The following KHDRBS2 variants were observed in gnomAD, a reference collection of about 807,000 sequenced individuals.
KHDRBS2 encodes the protein KH RNA binding domain containing, signal transduction associated 2.
KHDRBS2 carries 26 observed loss-of-function variants against 44.3 expected under a neutral mutation model. The observed-to-expected ratio is 0.59, with a 90% CI of 0.43 to 0.81. The LOEUF is 0.81. Ranked by LOEUF, KHDRBS2 falls within the 40% of genes least tolerant of loss-of-function variation. The pLI, the probability that KHDRBS2 is intolerant of heterozygous loss-of-function variation, is 0.00. For synonymous variants in KHDRBS2, 194 were observed against 151.1 expected (o/e 1.28, Z -2.08); for missense variants, 476 against 433.1 (o/e 1.10, Z -0.88).
the KHDRBS2 span, among the ~76,000 whole-genome samples, chr6:61,599,079 GC>G: frequency 6.6e-6 from 1 of 151,784 alleles, no homozygotes; most frequent in Non-Finnish European, 1.5e-5. Flanking sequence ...CATTACAGGT[GC>G]CTGCCACCAC....
chr6:61,802,076 A>G, intron 6 of KHDRBS2, among the ~76,000 whole-genome samples: 1 of 152,116 alleles, frequency 6.6e-6, no homozygotes, highest in East Asian at 1.9e-4. Context: ...GTAGGATTTG[A>G]GAGCGACCCC....
At chr6:61,886,959 C>T (rs1248087198) in intron 6 of KHDRBS2, among the ~76,000 whole-genome samples, 1 of 151,960 alleles carries the variant, frequency 6.6e-6, no homozygotes, top group Non-Finnish European at 1.5e-5. Flanking sequence ...CTAAGTATTG[C>T]TGAGGGGACT....
intron 2 of KHDRBS2, among the ~76,000 whole-genome samples, chr6:62,143,432 CT>C (rs1049451417): frequency 6.6e-6 from 1 of 151,988 alleles, no homozygotes; most frequent in Non-Finnish European, 1.5e-5. Flanking sequence ...AGACAGCAAT[CT>C]ATTTCATTCA....
At chr6:62,053,797 T>C (rs1789636222) in intron 2 of KHDRBS2, among the ~76,000 whole-genome samples, 1 of 151,900 alleles carries the variant, frequency 6.6e-6, no homozygotes, top group Non-Finnish European at 1.5e-5. Flanking sequence ...AAAATGCCAT[T>C]TATATAATTA....
intron 2 of KHDRBS2, among the ~76,000 whole-genome samples, chr6:62,078,091 T>A (rs775693632): frequency 6.6e-6 from 1 of 152,076 alleles, no homozygotes; most frequent in Non-Finnish European, 1.5e-5. Flanking sequence ...TAAGAGTATC[T>A]GCATAACACC....
At chr6:61,800,165 T>G (rs532310640) in intron 6 of KHDRBS2, among the ~76,000 whole-genome samples, 5 of 152,146 alleles carry the variant, frequency 3.3e-5, no homozygotes, top group African/African-American at 4.8e-5. Context: ...CTAAGAATCA[T>G]AGTTCTTGAT....
intron 2 of KHDRBS2, among the ~76,000 whole-genome samples, chr6:62,158,527 A>C (rs1816945683): frequency 6.6e-6 from 1 of 152,170 alleles, no homozygotes; most frequent in Admixed American, 6.5e-5. Flanking sequence ...ATATTACATT[A>C]TCTTTCCACA....
intron 3 of KHDRBS2, among the ~76,000 whole-genome samples, chr6:62,028,297 T>C (rs573821239): frequency 1.4e-4 from 21 of 152,140 alleles, no homozygotes; most frequent in Non-Finnish European, 2.9e-4. Flanking sequence ...TAGAAAACTA[T>C]AGATTTCATA....
the KHDRBS2 span, chr6:61,574,352 C>CT: frequency 2.0e-6 from 3 of 1,527,370 alleles, no homozygotes; most frequent in African/African-American, 2.7e-5. Flanking sequence ...TTTCAGCTGT[C>CT]TCTTACTTTC....
At chr6:61,565,715 A>G in the KHDRBS2 span, among the ~76,000 whole-genome samples, 1 of 152,140 alleles carries the variant, frequency 6.6e-6, no homozygotes, top group East Asian at 1.9e-4. Context: ...GTGGGAATGT[A>G]AATGTGGGAG....
At chr6:62,139,255 A>T (rs1273893230) in intron 2 of KHDRBS2, among the ~76,000 whole-genome samples, 1 of 152,028 alleles carries the variant, frequency 6.6e-6, no homozygotes, top group Non-Finnish European at 1.5e-5. Flanking sequence ...TAAAAATTTT[A>T]AAAAATATTC....
intron 1 of KHDRBS2, among the ~76,000 whole-genome samples, chr6:62,224,063 A>T (rs930056225): frequency 2.0e-5 from 3 of 152,102 alleles, no homozygotes; most frequent in South Asian, 2.1e-4. Flanking sequence ...GTCTATTTTC[A>T]TGCTGCTGAT....
intron 2 of KHDRBS2, among the ~76,000 whole-genome samples, chr6:62,052,374 CA>C (rs1789261923): frequency 6.7e-6 from 1 of 149,076 alleles, no homozygotes; most frequent in Admixed American, 6.7e-5. Flanking sequence ...AAGCCAGACA[CA>C]AAAAGAAAAA....
intron 2 of KHDRBS2, among the ~76,000 whole-genome samples, chr6:62,072,958 A>T (rs1377958138): frequency 6.6e-6 from 1 of 152,012 alleles, no homozygotes; most frequent in Non-Finnish European, 1.5e-5. Context: ...TCAGCTGTGA[A>T]TCCATCTGGT....
At chr6:61,907,461 T>A (rs1805243968) in intron 4 of KHDRBS2, among the ~76,000 whole-genome samples, 1 of 152,230 alleles carries the variant, frequency 6.6e-6, no homozygotes, top group African/African-American at 2.4e-5. Flanking sequence ...TTTTGAAGTA[T>A]TACTCAAGAA....
chr6:61,813,745 G>T lies in KHDRBS2; in HGVS notation c.810+80890C>A, dbSNP rs115822535. ...CTTTTACTTTATCAATATTAATATA[G>T]TGAAATCCCATAAGAGTTAAATGAA... On this transcript the variant is annotated intron_variant, in intron 6 of 8. Coordinates refer to ENST00000281156, the MANE Select transcript of KHDRBS2 (RefSeq NM_152688.4). Among the ~76,000 whole-genome samples the T allele has an allele frequency of 2.1e-3, 320 of 152,142 alleles. 3 individuals are homozygous for T. Among genetic ancestry groups the T allele is most frequent in the African/African-American group, 7.4e-3 (309 of 41,500 alleles).
At chr6:61,592,271 T>A in the KHDRBS2 span, among the ~76,000 whole-genome samples, 25,703 of 149,872 alleles carry the variant, frequency 0.17, 2,412 homozygotes, top group East Asian at 0.29. Context: ...ATGGAAGTCA[T>A]ACAAAATATG....
chr6:62,237,822 C>T (rs1563113712), intron 1 of KHDRBS2, among the ~76,000 whole-genome samples: 1 of 152,040 alleles, frequency 6.6e-6, no homozygotes, highest in South Asian at 2.1e-4. Flanking sequence ...GGGCAGATCA[C>T]GAGGTCAGGA....
At chr6:62,084,614 G>T (rs768008287) in intron 2 of KHDRBS2, among the ~76,000 whole-genome samples, 1 of 151,984 alleles carries the variant, frequency 6.6e-6, no homozygotes, top group Non-Finnish European at 1.5e-5. Flanking sequence ...AAACGACAAG[G>T]TTTTCTCTGA....
Sources: gnomAD v4.1 joint callset for allele counts (sites outside exome capture counted in the v4.1 genomes callset) on GRCh38, gnomAD v4.1.1 for gene constraint, MANE v1.5 for transcripts, NCBI Gene and HGNC (gene_info 2026-07-23, HGNC 2026-07-21) for gene names.